MYO7B: variants seen among roughly 807,000 people sequenced by gnomAD.
MYO7B encodes unconventional myosin-VIIb.
MYO7B carries 212 observed loss-of-function variants against 259.7 expected under a neutral mutation model. The observed-to-expected ratio is 0.82, with a 90% CI of 0.73 to 0.91. MYO7B has a LOEUF of 0.91. MYO7B is among the 40% of genes least tolerant of loss of function. MYO7B has a pLI of 0.00. For synonymous variants in MYO7B, 1,197 were observed against 1,166.4 expected (o/e 1.03, Z -0.54); for missense variants, 2,732 against 2,813.5 (o/e 0.97, Z 0.66).
chr2:127,631,373 C>T lies in MYO7B; in HGVS notation c.5095+10C>T, dbSNP rs748221279. 2.7e-5 allele frequency: 43 copies of T among 1,599,190 alleles called. No homozygotes were observed. Among genetic ancestry groups the T allele is most frequent in the African/African-American group, 5.4e-5 (4 of 74,728 alleles). ...TGCCAGATCTTTGTCGATATCCTTC[C>T]CCACCAGCCTGCCTGCACCTCGTCA... is the stretch of plus-strand genomic sequence containing the variant. On this transcript the variant is annotated intron_variant, in intron 37 of 47. Coordinates refer to ENST00000409816, the MANE Select transcript of MYO7B (RefSeq NM_001393586.1).
intron 1 of MYO7B, among the ~76,000 whole-genome samples, chr2:127,543,906 G>A (rs1330048756): frequency 2.6e-5 from 4 of 151,508 alleles, no homozygotes; most frequent in Non-Finnish European, 4.4e-5. Context: ...CACCACACCC[G>A]GCTCATTTTT....
At chr2:127,545,498 A>G (rs923464415) in intron 1 of MYO7B, among the ~76,000 whole-genome samples, 1 of 152,136 alleles carries the variant, frequency 6.6e-6, no homozygotes, top group African/African-American at 2.4e-5. Flanking sequence ...AGCAGCCTCA[A>G]CTCTCTGAGA....
intron 15 of MYO7B, 117 bp downstream of exon 15, chr2:127,588,672 T>A (rs1307853007): frequency 2.4e-6 from 3 of 1,231,516 alleles, no homozygotes; most frequent in Non-Finnish European, 3.4e-6. Context: ...AGTTGGCACT[T>A]GGGAATCCTG....
At position 127,608,869 on chromosome 2, in the gene MYO7B, G is replaced by T; in HGVS notation, c.2805G>T (p.Pro935=). 2 of 1,611,912 alleles carry T rather than the reference G, an allele frequency of 1.2e-6. No homozygotes were observed. Among genetic ancestry groups the T allele is most frequent in the Non-Finnish European group, 1.7e-6 (2 of 1,179,206 alleles). The change falls in exon 22 of 48, where the codon CCG becomes CCT. Residue 935 remains proline, a synonymous_variant. Transcript: ENST00000409816. Reference sequence around the variant, plus strand: ...GGGGCCAGGAGGGCCAGGCCTCGCCGCACTTTGAGGTAACACAAGCCTGGT... The same window carrying T: ...GGGGCCAGGAGGGCCAGGCCTCGCCTCACTTTGAGGTAACACAAGCCTGGT... ...MIGGQEGQAS[P]HFEDLESKTQ... is the part of the protein sequence containing the mutation.
At chr2:127,549,806 G>A (rs374496695) in intron 1 of MYO7B, among the ~76,000 whole-genome samples, 1 of 152,248 alleles carries the variant, frequency 6.6e-6, no homozygotes, top group African/African-American at 2.4e-5. Context: ...GAGAGAGTGG[G>A]CACACATAAG....
At chr2:127,635,253 ACTGGGGC>A (rs1681741438) in intron 43 of MYO7B, 27 bp downstream of exon 43, 5 of 1,578,156 alleles carry the variant, frequency 3.2e-6, no homozygotes, top group Admixed American at 1.7e-5. Flanking sequence ...CCTGGTGGGC[ACTGGGGC>A]CACCCCCATC....
rs1414481765 is a variant in MYO7B, at chr2:127,632,239, C to T, written c.5250-7C>T. 1 of 1,611,214 alleles carries T rather than the reference C, an allele frequency of 6.2e-7. No individual in the cohort carries two copies. The highest frequency in any genetic ancestry group is 1.7e-5 in the Admixed American group (1 of 59,754). ...GCCTTTCCCGGCTGACAAGTGCTAC[C>T]CTTCAGGCACAGCGAAGAGCGGGGC... On this transcript the variant is annotated splice_polypyrimidine_tract_variant and splice_region_variant and intron_variant, in intron 38 of 47. Transcript: ENST00000409816.
chr2:127,609,389 T>C lies in MYO7B; in HGVS notation c.2815-117T>C. On this transcript the variant is annotated intron_variant, in intron 22 of 47. Coordinates refer to ENST00000409816, the MANE Select transcript of MYO7B (RefSeq NM_001393586.1). This position sits in a 1 kb window ranked among gnomAD's most constrained non-coding sequence, Gnocchi z 6.9. ...GTGGGGATGGGTGGTCTCCAGCACCTGAGGGATCAGGGTAATGCAACAGCC... is the reference window on the plus strand; with the variant it reads ...GTGGGGATGGGTGGTCTCCAGCACCCGAGGGATCAGGGTAATGCAACAGCC... 1 of 925,268 alleles carries C rather than the reference T, an allele frequency of 1.1e-6. No individual in the cohort carries two copies. The highest frequency in any genetic ancestry group is 2.6e-5 in the East Asian group (1 of 37,894). The allele number at this position is 925,268 out of a possible 1,614,324, so 57.3% of individuals were successfully genotyped here. A position where few individuals can be genotyped will look rare whatever the true frequency, so the allele number is the denominator to read the frequency against.
At chr2:127,581,783 G>A (rs1679110525) in intron 10 of MYO7B, 108 bp from the exon 11 acceptor site, 3 of 1,493,080 alleles carry the variant, frequency 2.0e-6, no homozygotes, top group Admixed American at 1.9e-5. Flanking sequence ...CCTCCGGTGG[G>A]CATAGGTGCT....
intron 43 of MYO7B, 186 bp downstream of exon 43, chr2:127,635,412 C>T: frequency 1.6e-6 from 1 of 640,360 alleles, no homozygotes; most frequent in Non-Finnish European, 2.7e-6. Context: ...TGTTTGGGGA[C>T]AGTGACTGCA....
intron 20 of MYO7B, among the ~76,000 whole-genome samples, chr2:127,606,678 C>T (rs1306276839): frequency 6.6e-6 from 1 of 152,214 alleles, no homozygotes; most frequent in African/African-American, 2.4e-5. Context: ...TAAGCCAACC[C>T]GTTGGGCAGG....
intron 19 of MYO7B, among the ~76,000 whole-genome samples, chr2:127,600,270 G>A (rs77948522): frequency 0.095 from 14,417 of 152,256 alleles, 951 homozygotes; most frequent in Middle Eastern, 0.17. Flanking sequence ...GTTGTCAAAT[G>A]TATGCATGTC....
chr2:127,545,160 C>T (rs1420512970), intron 1 of MYO7B, among the ~76,000 whole-genome samples: 4 of 152,214 alleles, frequency 2.6e-5, no homozygotes, highest in African/African-American at 9.7e-5. Context: ...ACCATCAATG[C>T]CTGTACATCT....
At chr2:127,591,552 G>C (rs1024957883) in intron 16 of MYO7B, among the ~76,000 whole-genome samples, 1 of 152,244 alleles carries the variant, frequency 6.6e-6, no homozygotes, top group African/African-American at 2.4e-5. Context: ...TAAAGATTCA[G>C]TGAGAAACAC....
At chr2:127,599,859 A>T (rs1270616688) in intron 19 of MYO7B, among the ~76,000 whole-genome samples, 1 of 152,236 alleles carries the variant, frequency 6.6e-6, no homozygotes, top group Non-Finnish European at 1.5e-5. Flanking sequence ...CCTGGAGGAA[A>T]CACCACTCGG....
At position 127,584,076 on chromosome 2, in the gene MYO7B, T is replaced by C. The variant is rs1324074540; in HGVS notation, c.1344-46T>C. Reference sequence around the variant, plus strand: ...GGCTCCAGCCTGCTGCAGCGGGGACTCAGCTGGCCCCACTCCACCCCTGGG... The same window carrying C: ...GGCTCCAGCCTGCTGCAGCGGGGACCCAGCTGGCCCCACTCCACCCCTGGG... On this transcript the variant is annotated intron_variant, in intron 12 of 47. Transcript: ENST00000409816. The surrounding 1 kb of genome is among the most constrained non-coding windows in gnomAD (Gnocchi z 5.8). 6.4e-7 allele frequency: 1 copy of C among 1,557,700 alleles called. No individual in the cohort carries two copies. The highest frequency in any genetic ancestry group is 8.8e-7 in the Non-Finnish European group (1 of 1,142,544).
At position 127,609,562 on chromosome 2, in the gene MYO7B, G is replaced by T; in HGVS notation, c.2871G>T (p.Met957Ile). 6.2e-7 allele frequency: 1 copy of T among 1,613,976 alleles called. No homozygotes were observed. Among genetic ancestry groups the T allele is most frequent in the Non-Finnish European group, 8.5e-7 (1 of 1,179,874 alleles). Reference protein sequence around the residue: ...LLEVDLDTVPMAEEPEEDVDG... With the variant: ...LLEVDLDTVPIAEEPEEDVDG... ...AGGTTGACCTGGACACAGTCCCCATGGCGGAGGAGCCTGAGGAGGATGTGG... is the reference window on the plus strand; with the variant it reads ...AGGTTGACCTGGACACAGTCCCCATTGCGGAGGAGCCTGAGGAGGATGTGG... The change falls in exon 23 of 48, where the codon ATG (methionine) becomes ATT (isoleucine). Residue 957 changes from methionine (M) to isoleucine (I), a missense_variant. By Grantham distance (10) the Met-to-Ile change is conservative. Coordinates refer to ENST00000409816, the MANE Select transcript of MYO7B (RefSeq NM_001393586.1). This position sits in a 1 kb window ranked among gnomAD's most constrained non-coding sequence, Gnocchi z 6.9.
intron 40 of MYO7B, among the ~76,000 whole-genome samples, chr2:127,633,902 G>A (rs1433885059): frequency 6.6e-6 from 1 of 152,218 alleles, no homozygotes; most frequent in Non-Finnish European, 1.5e-5. Context: ...TTGATATTCG[G>A]GTCCCGGTAA....
chr2:127,572,452 C>T (rs1257034229), intron 6 of MYO7B, among the ~76,000 whole-genome samples: 1 of 149,262 alleles, frequency 6.7e-6, no homozygotes, highest in Non-Finnish European at 1.5e-5. Flanking sequence ...TCTTTCCTTC[C>T]TTGCTTCTTT....
Sources: allele counts gnomAD v4.1 joint callset (sites outside exome capture counted in the v4.1 genomes callset), GRCh38; gene constraint gnomAD v4.1.1; non-coding constraint Gnocchi (gnomAD v3.1); transcripts MANE v1.5; gene names NCBI Gene and HGNC (gene_info 2026-07-23, HGNC 2026-07-21).